The following PRR16 variants were observed in gnomAD, a reference collection of about 807,000 sequenced individuals.
PRR16 encodes protein Largen.
A neutral mutation model predicts 18.2 loss-of-function variants in PRR16; 6 were observed. That is an observed-to-expected ratio of 0.33 (90% CI 0.18 to 0.65). The LOEUF (loss-of-function observed/expected upper bound fraction) is 0.65, where lower values mean the gene tolerates loss of function less well. Among genes scored for constraint, PRR16 ranks in the 30% least tolerant of loss-of-function variants. PRR16 has a pLI of 0.74. For synonymous variants in PRR16, 151 were observed against 147.8 expected, an observed-to-expected ratio of 1.02 and a Z score of -0.16; for missense variants, 412 against 376.6, an observed-to-expected ratio of 1.09 and a Z score of -0.78.
At chr5:120,785,575 G>GTTTTTTTTTTTTTT in the PRR16 span, among the ~76,000 whole-genome samples, 7 of 115,406 alleles carry the variant, frequency 6.1e-5, no homozygotes, top group South Asian at 5.8e-4. Context: ...TGTTGTTGTT[G>GTTTTTTTTTTTTTT]TTTTTTTTTT....
the PRR16 span, among the ~76,000 whole-genome samples, chr5:120,775,532 C>T: frequency 1.3e-5 from 2 of 152,076 alleles, no homozygotes; most frequent in African/African-American, 4.8e-5. Context: ...GTTTCCTAAC[C>T]TGCTATTCCT....
At chr5:120,556,802 C>T (rs1485252711) in intron 1 of PRR16, among the ~76,000 whole-genome samples, 1 of 151,944 alleles carries the variant, frequency 6.6e-6, no homozygotes, top group Non-Finnish European at 1.5e-5. Context: ...TCAACCAGCT[C>T]TCTTCAGGGC....
chr5:120,714,845 A>G, the PRR16 span, among the ~76,000 whole-genome samples: 4 of 152,142 alleles, frequency 2.6e-5, no homozygotes, highest in South Asian at 2.1e-4. Context: ...GCAGGGACAT[A>G]GATGAAACTG....
downstream of PRR16, chr5:120,687,354 C>T (rs1757156553): frequency 6.6e-6 from 1 of 152,156 alleles, no homozygotes; most frequent in Non-Finnish European, 1.5e-5. Flanking sequence ...TTCATTTAAT[C>T]TCACTTAACA....
chr5:120,766,209 C>T, the PRR16 span, among the ~76,000 whole-genome samples: 14 of 151,984 alleles, frequency 9.2e-5, no homozygotes, highest in Non-Finnish European at 1.9e-4. Flanking sequence ...CAAATTTACA[C>T]CTGACACCAG....
At chr5:120,464,924 G>A (rs1354347309) in intron 1 of PRR16, among the ~76,000 whole-genome samples, 2 of 152,108 alleles carry the variant, frequency 1.3e-5, no homozygotes, top group African/African-American at 4.8e-5. Flanking sequence ...ATCTGTGTGT[G>A]TGACGACGGG....
At chr5:120,776,012 T>C in the PRR16 span, among the ~76,000 whole-genome samples, 1 of 152,110 alleles carries the variant, frequency 6.6e-6, no homozygotes, top group African/African-American at 2.4e-5. Context: ...CTTCCTACTG[T>C]CTACATGGTA....
At chr5:120,538,946 G>A (rs890958487) in intron 1 of PRR16, among the ~76,000 whole-genome samples, 2 of 152,252 alleles carry the variant, frequency 1.3e-5, no homozygotes, top group Non-Finnish European at 2.9e-5. Flanking sequence ...GTGAAAAAAT[G>A]AGTGAAGTAA....
intron 1 of PRR16, among the ~76,000 whole-genome samples, chr5:120,614,234 C>T (rs187029949): frequency 2.6e-5 from 4 of 152,260 alleles, no homozygotes; most frequent in African/African-American, 9.6e-5. Flanking sequence ...TATCATGATT[C>T]CTCAAAAACC....
In PRR16 at chr5:120,686,798, GCCCAAATATATTAAT is replaced by G; in HGVS notation, c.*92_*106del. The G allele has an allele frequency of 1.8e-6, 2 of 1,118,340 alleles. No individual in the cohort carries two copies. The highest frequency in any genetic ancestry group is 2.4e-6 in the Non-Finnish European group (2 of 844,684). The allele number at this position is 1,118,340 out of a possible 1,614,324, so 69.3% of individuals were successfully genotyped here. ...GCACTTTCTACTCAAGCAATAAAAA[GCCCAAATATATTAAT>G]CCTGCATTCAGCAAAGTGGCATAAA... On this transcript the variant is annotated 3_prime_UTR_variant, in exon 2 of 2. Transcript: ENST00000407149.
chr5:120,781,056 T>C, the PRR16 span, among the ~76,000 whole-genome samples: 305 of 152,218 alleles, frequency 2.0e-3, 2 homozygotes, highest in African/African-American at 7.1e-3. Context: ...CTCAGAAATA[T>C]CTATGTATCT....
At chr5:120,624,459 G>T (rs1056280686) in intron 1 of PRR16, among the ~76,000 whole-genome samples, 16 of 152,062 alleles carry the variant, frequency 1.1e-4, no homozygotes, top group African/African-American at 3.9e-4. Flanking sequence ...TCAGTAAAAT[G>T]TTTCTACTTC....
At chr5:120,519,495 G>A (rs1310267549) in intron 1 of PRR16, among the ~76,000 whole-genome samples, 1 of 152,064 alleles carries the variant, frequency 6.6e-6, no homozygotes, top group Non-Finnish European at 1.5e-5. Flanking sequence ...ATAAGTAATT[G>A]TTTTTCTATC....
At chr5:120,691,629 T>C (rs565512371), downstream of PRR16, among the ~76,000 whole-genome samples, 106 of 152,314 alleles carry the variant, frequency 7.0e-4, no homozygotes, top group African/African-American at 2.4e-3. Flanking sequence ...TAGCAATAGA[T>C]CTGCTCCATG....
At chr5:120,637,317 GAAAAAA>G (rs372136712) in intron 1 of PRR16, among the ~76,000 whole-genome samples, 7 of 62,650 alleles carry the variant, frequency 1.1e-4, no homozygotes, top group East Asian at 5.3e-4. Flanking sequence ...CCATTATACG[GAAAAAA>G]AAAAAAAAAA....
chr5:120,712,480 T>A, the PRR16 span, among the ~76,000 whole-genome samples: 1 of 152,052 alleles, frequency 6.6e-6, no homozygotes, highest in Non-Finnish European at 1.5e-5. Flanking sequence ...AGTAAGACTA[T>A]GCACAGCAAA....
intron 1 of PRR16, among the ~76,000 whole-genome samples, chr5:120,668,548 C>G: frequency 6.6e-6 from 1 of 152,088 alleles, no homozygotes; most frequent in Non-Finnish European, 1.5e-5. Context: ...TCTTCCTAGT[C>G]TTGATGGTCT....
chr5:120,747,868 T>TA, the PRR16 span, among the ~76,000 whole-genome samples: 17 of 151,980 alleles, frequency 1.1e-4, no homozygotes, highest in South Asian at 4.2e-4. Context: ...AGACTTTATG[T>TA]AAAAAAAACA....
rs1452673290 is a variant in PRR16 at position 120,687,056 on chromosome 5, A to T, written c.*347A>T. 6 of 168,968 alleles carry T rather than the reference A, an allele frequency of 3.6e-5. No individual in the cohort carries two copies. Among genetic ancestry groups the T allele is most frequent in the Non-Finnish European group, 6.3e-5 (5 of 79,610 alleles). 10.5% of individuals were successfully genotyped at this position (168,968 alleles called of 1,614,324 possible). ...TTATTTATGCCTAAGTCATCTATGC[A>T]TTAACATGTCATATTCTTAACTTTG... On this transcript the variant is annotated 3_prime_UTR_variant, in exon 2 of 2. Coordinates refer to ENST00000407149, the MANE Select transcript of PRR16 (RefSeq NM_001300783.2).
Sources: allele counts gnomAD v4.1 joint callset (sites outside exome capture counted in the v4.1 genomes callset), GRCh38; gene constraint gnomAD v4.1.1; transcripts MANE v1.5; gene names NCBI Gene and HGNC (gene_info 2026-07-23, HGNC 2026-07-21).